REDIC1: variants seen among roughly 807,000 people sequenced by gnomAD.
The protein encoded by REDIC1 is HEI10 Interacting Protein 1.
chr12:39,895,159 G>C, the REDIC1 span, among the ~76,000 whole-genome samples: 1 of 151,966 alleles, frequency 6.6e-6, no homozygotes, highest in Non-Finnish European at 1.5e-5. Context: ...GCATATCACT[G>C]TGCCCAGCCA....
chr12:39,684,769 A>G, the REDIC1 span: 2 of 796,888 alleles, frequency 2.5e-6, no homozygotes, highest in African/African-American at 3.5e-5. Flanking sequence ...CTTCCCATAT[A>G]ATTCTGATCT....
At chr12:39,895,783 TACGTACACAC>T in the REDIC1 span, among the ~76,000 whole-genome samples, 4,579 of 93,004 alleles carry the variant, frequency 0.049, 1,773 homozygotes, top group African/African-American at 0.062. Context: ...TATGCGTGTA[TACGTACACAC>T]ATGTATATGC....
chr12:39,760,781 AAC>A, the REDIC1 span, among the ~76,000 whole-genome samples: 1 of 152,028 alleles, frequency 6.6e-6, no homozygotes, highest in South Asian at 2.1e-4. Context: ...AACAGCCAGA[AAC>A]ACATAAATAT....
At chr12:39,810,831 T>C in the REDIC1 span, among the ~76,000 whole-genome samples, 1 of 152,116 alleles carries the variant, frequency 6.6e-6, no homozygotes, top group African/African-American at 2.4e-5. Context: ...TGGATTCAAT[T>C]TGAGAATTTT....
the REDIC1 span, among the ~76,000 whole-genome samples, chr12:39,723,683 A>G: frequency 6.6e-6 from 1 of 152,116 alleles, no homozygotes; most frequent in African/African-American, 2.4e-5. Context: ...GTAAACTGCC[A>G]ATCAGAGTGA....
the REDIC1 span, among the ~76,000 whole-genome samples, chr12:39,720,583 T>C: frequency 2.6e-5 from 4 of 152,134 alleles, no homozygotes; most frequent in Admixed American, 1.3e-4. Flanking sequence ...TATTTTAGAA[T>C]TCATAGCCTC....
At chr12:39,712,260 ATATGTATATATACATGTATATATACCTG>A in the REDIC1 span, among the ~76,000 whole-genome samples, 9 of 137,324 alleles carry the variant, frequency 6.6e-5, no homozygotes, top group South Asian at 2.1e-3. Flanking sequence ...ACATATATAC[ATATGTATATATACATGTATATATACCTG>A]TATGTATATA....
the REDIC1 span, among the ~76,000 whole-genome samples, chr12:39,898,502 T>C: frequency 6.6e-6 from 1 of 151,814 alleles, no homozygotes; most frequent in Non-Finnish European, 1.5e-5. Context: ...GCCACGCTTT[T>C]CCCCCCTCTA....
chr12:39,898,386 T>C, the REDIC1 span, among the ~76,000 whole-genome samples: 1 of 152,276 alleles, frequency 6.6e-6, no homozygotes, highest in Non-Finnish European at 1.5e-5. Context: ...TCTACAAATC[T>C]CATGCTAGAA....
the REDIC1 span, among the ~76,000 whole-genome samples, chr12:39,716,275 CAAT>C: frequency 1.3e-5 from 2 of 151,914 alleles, no homozygotes; most frequent in Non-Finnish European, 2.9e-5. Flanking sequence ...TGTAAAATAA[CAAT>C]ATTAAGCAGA....
the REDIC1 span, among the ~76,000 whole-genome samples, chr12:39,655,578 C>T: frequency 6.6e-6 from 1 of 152,184 alleles, no homozygotes; most frequent in Admixed American, 6.5e-5. Context: ...CCTGATTTCT[C>T]TATGAAATTT....
the REDIC1 span, among the ~76,000 whole-genome samples, chr12:39,711,833 ATG>A: frequency 0.028 from 207 of 7,452 alleles, 4 homozygotes; most frequent in Middle Eastern, 0.1. Context: ...GCATGTGTAT[ATG>A]TGTGTATACA....
chr12:39,751,508 T>C, the REDIC1 span, among the ~76,000 whole-genome samples: 1 of 152,174 alleles, frequency 6.6e-6, no homozygotes, highest in East Asian at 1.9e-4. Flanking sequence ...TCCTCAAGGA[T>C]CTAGAACTAG....
the REDIC1 span, among the ~76,000 whole-genome samples, chr12:39,654,585 C>T: frequency 1.4e-5 from 2 of 145,478 alleles, no homozygotes; most frequent in Admixed American, 6.9e-5. Context: ...GAGACTCTGT[C>T]TTAAAAAAAA....
At chr12:39,643,660 G>A in the REDIC1 span, 3 of 742,336 alleles carry the variant, frequency 4.0e-6, no homozygotes, top group Non-Finnish European at 6.3e-6. Context: ...ATATAAAGAT[G>A]TCACAAAATA....
chr12:39,840,402 C>T, the REDIC1 span, among the ~76,000 whole-genome samples: 1 of 152,004 alleles, frequency 6.6e-6, no homozygotes, highest in African/African-American at 2.4e-5. Flanking sequence ...TTTTTAAATC[C>T]TAAAGAGCTT....
chr12:39,750,535 T>C, the REDIC1 span, among the ~76,000 whole-genome samples: 69 of 152,328 alleles, frequency 4.5e-4, no homozygotes, highest in Admixed American at 2.7e-3. Context: ...TACCAATGAC[T>C]TTCTTCACAG....
At chr12:39,892,912 G>A in the REDIC1 span, among the ~76,000 whole-genome samples, 1 of 151,872 alleles carries the variant, frequency 6.6e-6, no homozygotes, top group Admixed American at 6.6e-5. Flanking sequence ...TGTCATGTTA[G>A]CAAAGAAAAA....
At chr12:39,894,588 A>C in the REDIC1 span, among the ~76,000 whole-genome samples, 1 of 152,356 alleles carries the variant, frequency 6.6e-6, no homozygotes, top group Non-Finnish European at 1.5e-5. Flanking sequence ...AGACAGACTA[A>C]AATTTCTAAC....
Sources: gnomAD v4.1 joint callset for allele counts (sites outside exome capture counted in the v4.1 genomes callset) on GRCh38, gnomAD v4.1.1 for gene constraint, MANE v1.5 for transcripts, NCBI Gene and HGNC (gene_info 2026-07-23, HGNC 2026-07-21) for gene names.